Variants in ATG9A observed in about 807,000 individuals in gnomAD.
ATG9A encodes the protein autophagy related 9A, also known as autophagy-related protein 9A.
In ATG9A, 21 loss-of-function variants were observed where a neutral mutation model predicts 87.1. The observed-to-expected ratio is 0.24, with a 90% CI of 0.17 to 0.35. The LOEUF (loss-of-function observed/expected upper bound fraction) is 0.35. Among genes scored for constraint, ATG9A ranks in the 10% least tolerant of loss-of-function variants. ATG9A has a pLI of 1.00. For synonymous variants in ATG9A, 422 were observed against 441.3 expected, an observed-to-expected ratio of 0.96 and a Z score of 0.55; for missense variants, 836 against 1,107.3, an observed-to-expected ratio of 0.76 and a Z score of 3.48.
chr2:219,222,322 T>C lies in ATG9A; in HGVS notation c.1977A>G (p.Gln659=), dbSNP rs2276634. The change falls in exon 12 of 16, where the codon CAA becomes CAG. Residue 659 remains glutamine (Q), a synonymous_variant. Transcript: ENST00000361242. The surrounding 1 kb of genome is among the most constrained non-coding windows in gnomAD (Gnocchi z 4.3). ...CCCGGCCTGTGGGCGCCTGCCCGGG[T>C]TGCAGCGGGGAGAAGGAGCGCAGGG... The part of the protein sequence containing the change: ...ASALRSFSPL[Q]PGQAPTGRAH... 10 of 1,613,092 alleles carry C rather than the reference T, an allele frequency of 6.2e-6. No individual in the cohort carries two copies. The African/African-American group carries it at 9.3e-5, about 15-fold the overall frequency.
Position 219,222,328 on chromosome 2 carries a change from C to T in ATG9A, c.1971G>A (p.Pro657=), listed in dbSNP as rs765033524. The change falls in exon 12 of 16, where the codon CCG becomes CCA. Residue 657 remains proline, a synonymous_variant. Coordinates refer to ENST00000361242, the MANE Select transcript of ATG9A (RefSeq NM_001077198.3). The surrounding 1 kb of genome is among the most constrained non-coding windows in gnomAD (Gnocchi z 4.3). ...EVASALRSFS[P]LQPGQAPTGR... is the part of the protein sequence containing the mutation. ...CTGTGGGCGCCTGCCCGGGTTGCAG[C>T]GGGGAGAAGGAGCGCAGGGCAGAGG... is the stretch of plus-strand genomic sequence containing the variant. 3.5e-5 allele frequency: 56 copies of T among 1,613,310 alleles called. No homozygotes were observed. Among genetic ancestry groups the T allele is most frequent in the Middle Eastern group, 3.3e-4 (2 of 6,062 alleles).
At position 219,225,587 on chromosome 2, in the gene ATG9A, A is replaced by G. The variant is rs1275621862; in HGVS notation, c.213-15T>C. The G allele has an allele frequency of 1.9e-6, 3 of 1,612,974 alleles. No individual in the cohort carries two copies. The South Asian group carries it at 3.3e-5, about 18-fold the overall frequency. On this transcript the variant is annotated splice_polypyrimidine_tract_variant and intron_variant, in intron 5 of 15. Coordinates refer to ENST00000361242, the MANE Select transcript of ATG9A (RefSeq NM_001077198.3). ...AGAGGAACTGCCTGGGGAGTTGGGA[A>G]GAAGGGGTGCAGTCTGAGAGCCAGA... is the stretch of plus-strand genomic sequence containing the variant.
At chr2:219,221,995 G>T (rs765784423) in intron 13 of ATG9A, 55 bp downstream of exon 13, 1 of 1,504,068 alleles carries the variant, frequency 6.6e-7, no homozygotes. Flanking sequence ...TTGGAACCCC[G>T]GTCTTGCTTC....
chr2:219,223,631 G>A lies in ATG9A; in HGVS notation c.1553C>T (p.Thr518Ile), dbSNP rs750542062. ...AACATCCATCTGAGCAAAGGAGCAG[G>A]TATCTCCCACACCAACGACCTCCAC... ...FTVEVVGVGD[T>I]CSFAQMDVRQ... The change falls in exon 10 of 16, where the codon ACC becomes ATC. Residue 518 changes from threonine to isoleucine, a missense_variant. By Grantham distance (89) the Thr-to-Ile change is moderately conservative. Around this residue, in one of 2 missense-constraint regions of ATG9A, gnomAD observed 512 missense variants for 759.6 expected, o/e 0.67. Coordinates refer to ENST00000361242, the MANE Select transcript of ATG9A (RefSeq NM_001077198.3). This position sits in a 1 kb window ranked among gnomAD's most constrained non-coding sequence, Gnocchi z 4.7. The A allele has an allele frequency of 2.5e-5, 41 of 1,613,548 alleles. No homozygotes were observed. Among genetic ancestry groups the A allele is most frequent in the Non-Finnish European group, 3.4e-5 (40 of 1,179,842 alleles).
rs1553562662 is a variant in ATG9A at position 219,224,868 on chromosome 2, T to TC, written c.517-15_517-14insG. ...CGGAAGGGCAGACTGCGGGGTGGGG[T>TC]GGGGAAGAGACAAGGTACGGAAGGT... On this transcript the variant is annotated splice_polypyrimidine_tract_variant and intron_variant, in intron 7 of 15. Transcript: ENST00000361242. This position sits in a 1 kb window ranked among gnomAD's most constrained non-coding sequence, Gnocchi z 7.7. The TC allele has an allele frequency of 0.012, 19,754 of 1,609,720 alleles. 189 individuals are homozygous for TC. The highest frequency in any genetic ancestry group is 0.014 in the Non-Finnish European group (16,084 of 1,177,800).
Position 219,225,209 on chromosome 2 carries a change from A to G in ATG9A, c.378T>C (p.Ile126=). ...FLPAQVCSAR[I]QENGSLITIL... ...TGGTGATAAGGGAGCCATTTTCCTG[A>G]ATCCTGGTGGGGAAAAAGAAGGGGA... Residue 126 remains isoleucine, a synonymous_variant, in exon 7 of 16, where the codon ATT becomes ATC. Transcript: ENST00000361242. 6.2e-7 allele frequency: 1 copy of G among 1,614,148 alleles called. No individual in the cohort carries two copies. The highest frequency in any genetic ancestry group is 8.5e-7 in the Non-Finnish European group (1 of 1,180,024).
At chr2:219,220,485 T>C in intron 15 of ATG9A, 33 bp from the exon 16 acceptor site, 1 of 1,613,020 alleles carries the variant, frequency 6.2e-7, no homozygotes, top group Non-Finnish European at 8.5e-7. Context: ...ATGGAGATAG[T>C]CTTCAGCTTC....
chr2:219,220,717 G>C, intron 15 of ATG9A, 30 bp downstream of exon 15: 2 of 1,604,060 alleles, frequency 1.2e-6, no homozygotes, highest in Non-Finnish European at 1.7e-6. Context: ...ACTATTTCTG[G>C]CAGTTTTTCC....
At chr2:219,221,358 C>G (rs1950755906) in intron 13 of ATG9A, 56 bp from the exon 14 acceptor site, 1 of 1,456,710 alleles carries the variant, frequency 6.9e-7, no homozygotes, top group Non-Finnish European at 9.1e-7. Flanking sequence ...TCTGAAACAG[C>G]TGCCCTCCAA....
At chr2:219,225,257 G>A (rs1950838081) in intron 6 of ATG9A, 45 bp from the exon 7 acceptor site, 7 of 1,612,710 alleles carry the variant, frequency 4.3e-6, no homozygotes, top group East Asian at 2.2e-5. Context: ...CTCGAGGAAG[G>A]AGTCTTGGCA....
chr2:219,225,615 G>T, intron 5 of ATG9A, 43 bp from the exon 6 acceptor site: 1 of 1,597,772 alleles, frequency 6.3e-7, no homozygotes, highest in South Asian at 1.1e-5. Context: ...GAGCCAGAGA[G>T]GCTCCAGTGA....
intron 2 of ATG9A, 55 bp downstream of exon 2, chr2:219,228,379 T>A (rs1488051233): frequency 7.8e-6 from 2 of 255,036 alleles, no homozygotes; most frequent in Non-Finnish European, 1.5e-5. Flanking sequence ...CCCAAGAGAC[T>A]AACAGTTTGG....
chr2:219,222,445 CAG>C lies in ATG9A; in HGVS notation c.1852_1853del (p.Leu618GlufsTer29), dbSNP rs1243220508. 2 of 1,563,010 alleles carry C rather than the reference CAG, an allele frequency of 1.3e-6. No homozygotes were observed. Among genetic ancestry groups the C allele is most frequent in the Non-Finnish European group, 1.7e-6 (2 of 1,156,010 alleles). On this transcript the variant is annotated frameshift_variant, in exon 12 of 16. Transcript: ENST00000361242. LOFTEE classifies it high-confidence loss of function. The surrounding 1 kb of genome is among the most constrained non-coding windows in gnomAD (Gnocchi z 4.3). ...CAGCTACCACATTTGCGATAAGGCT[CAG>C]GGGCTATGAACGAAACGGGTAGGTA... ...IQSLQSESEPLSLIANVVAGS... is the reference protein window; with the variant it reads ...IQSLQSESEPXSLIANVVAGS...
chr2:219,222,917 G>C lies in ATG9A; in HGVS notation c.1600-24C>G, dbSNP rs942890977. The C allele has an allele frequency of 1.2e-6, 2 of 1,612,580 alleles. No homozygotes were observed. The highest frequency in any genetic ancestry group is 1.7e-5 in the Admixed American group (1 of 59,988). On this transcript the variant is annotated intron_variant, in intron 10 of 15. Transcript: ENST00000361242. The surrounding 1 kb of genome is among the most constrained non-coding windows in gnomAD (Gnocchi z 4.3). Reference sequence around the variant, plus strand: ...CACTGCACAAGGAAGAGCAGAGTAAGCAGGGCTGTTCTCTTCCAGGAGCCT... The same window carrying C: ...CACTGCACAAGGAAGAGCAGAGTAACCAGGGCTGTTCTCTTCCAGGAGCCT...
chr2:219,225,365 T>C, intron 6 of ATG9A, 46 bp downstream of exon 6: 1 of 1,605,050 alleles, frequency 6.2e-7, no homozygotes, highest in South Asian at 1.1e-5. Flanking sequence ...ACCCACCTGC[T>C]AGCAGAACTC....
rs1950825325 is a variant in ATG9A at position 219,224,621 on chromosome 2, G to A, written c.750C>T (p.Asn250=). The A allele has an allele frequency of 6.2e-7, 1 of 1,614,088 alleles. No individual in the cohort carries two copies. Among genetic ancestry groups the A allele is most frequent in the Admixed American group, 1.7e-5 (1 of 60,000 alleles). Residue 250 remains asparagine, a synonymous_variant, in exon 8 of 16, where the codon AAC becomes AAT. Transcript: ENST00000361242. This position sits in a 1 kb window ranked among gnomAD's most constrained non-coding sequence, Gnocchi z 7.7. ...GTCCCCAGAAGAGGATCAGCTCAAA[G>A]TTGTACTTGAGACCACGGGTGAAGA... The part of the protein sequence containing the change: ...AVFFTRGLKY[N]FELILFWGPG...
rs1559242009 is a variant in ATG9A at position 219,220,444 on chromosome 2, T to G, written c.*3A>C. ...GGGCCACAGGAACCCTGCTCAGCCT[T>G]GTCTATACCTGTGGGGAGAAAGGGT... On this transcript the variant is annotated 3_prime_UTR_variant, in exon 16 of 16. Transcript: ENST00000361242. The G allele has an allele frequency of 2.5e-6, 4 of 1,613,584 alleles. No homozygotes were observed. The African/African-American group carries it at 5.3e-5, about 22-fold the overall frequency.
intron 15 of ATG9A, 60 bp downstream of exon 15, chr2:219,220,687 G>T: frequency 6.3e-7 from 1 of 1,590,910 alleles, no homozygotes; most frequent in Non-Finnish European, 8.6e-7. Flanking sequence ...CTGAAAAGCT[G>T]TTACCTCACC....
At chr2:219,221,729 AAGAC>A (rs1179209123) in intron 13 of ATG9A, among the ~76,000 whole-genome samples, 2 of 152,260 alleles carry the variant, frequency 1.3e-5, no homozygotes, top group African/African-American at 4.8e-5. Flanking sequence ...GGAGAAAACT[AAGAC>A]AGGAAGATTC....
Sources: gnomAD v4.1 joint callset for allele counts (sites outside exome capture counted in the v4.1 genomes callset) on GRCh38, gnomAD v4.1.1 for gene constraint, gnomAD v4.1.1 regional missense constraint, Gnocchi (gnomAD v3.1) non-coding constraint, MANE v1.5 for transcripts, NCBI Gene and HGNC (gene_info 2026-07-23, HGNC 2026-07-21) for gene names.